CCT6B: variants seen among roughly 807,000 people sequenced by gnomAD.
The protein encoded by CCT6B is chaperonin containing TCP1 subunit 6B.
CCT6B carries 49 observed loss-of-function variants against 61.5 expected under a neutral mutation model. That is an observed-to-expected ratio of 0.80 (90% CI 0.63 to 1.01). The LOEUF is 1.01. CCT6B is among the 50% of genes least tolerant of loss of function. CCT6B has a pLI of 0.00. For missense variants in CCT6B, 666 were observed against 634.7 expected (o/e 1.05, Z -0.53); for synonymous variants, 228 against 214.5 (o/e 1.06, Z -0.55).
intron 5 of CCT6B, among the ~76,000 whole-genome samples, chr17:34,949,866 T>C (rs2090271929): frequency 6.6e-6 from 1 of 152,222 alleles, no homozygotes; most frequent in African/African-American, 2.4e-5. Context: ...AATAAGGATA[T>C]AGAAGTTCTG....
In CCT6B at chr17:34,942,837, T is replaced by G; in HGVS notation, c.684A>C (p.Ala228=). The G allele has an allele frequency of 6.2e-7, 1 of 1,611,748 alleles. No individual in the cohort carries two copies. The highest frequency in any genetic ancestry group is 8.5e-7 in the Non-Finnish European group (1 of 1,178,686). Residue 228 remains alanine, a synonymous_variant, in exon 6 of 14, where the codon GCA becomes GCC. Coordinates refer to ENST00000314144, the MANE Select transcript of CCT6B (RefSeq NM_006584.4). The stretch of plus-strand genomic sequence containing the variant: ...GTGAAACGTTGCAAATAAGGATAAA[T>G]GCATCTTCTACTCGCTTCTTCATAT... ...HPDMKKRVED[A]FILICNVSLE...
Position 34,942,789 on chromosome 17 carries a change from C to G in CCT6B, c.725+7G>C. ...TTCAAAAGTTATAAAGAGAAAGTAA[C>G]ACGCACGTTTTTTCATATTCCAGTG... is the stretch of plus-strand genomic sequence containing the variant. On this transcript the variant is annotated splice_region_variant and intron_variant, in intron 6 of 13. Coordinates refer to ENST00000314144, the MANE Select transcript of CCT6B (RefSeq NM_006584.4). 2 of 1,569,556 alleles carry G rather than the reference C, an allele frequency of 1.3e-6. No homozygotes were observed. The highest frequency in any genetic ancestry group is 1.7e-6 in the Non-Finnish European group (2 of 1,149,748).
chr17:34,934,089 A>C (rs1315762270), intron 10 of CCT6B, among the ~76,000 whole-genome samples: 1 of 151,096 alleles, frequency 6.6e-6, no homozygotes, highest in Non-Finnish European at 1.5e-5. Flanking sequence ...TGACCATGCC[A>C]CTGCACTCCA....
intron 12 of CCT6B, among the ~76,000 whole-genome samples, chr17:34,930,481 C>T (rs1336078130): frequency 6.6e-6 from 1 of 152,122 alleles, no homozygotes; most frequent in African/African-American, 2.4e-5. Context: ...CAGTTGCCTA[C>T]ATGGCTAATT....
intron 4 of CCT6B, among the ~76,000 whole-genome samples, chr17:34,953,749 T>C (rs1163484134): frequency 6.6e-6 from 1 of 151,636 alleles, no homozygotes; most frequent in Non-Finnish European, 1.5e-5. Flanking sequence ...AGGTCAGGAG[T>C]TCAAGACAAG....
At chr17:34,937,667 C>T (rs1289987308) in intron 10 of CCT6B, among the ~76,000 whole-genome samples, 1 of 151,920 alleles carries the variant, frequency 6.6e-6, no homozygotes, top group Admixed American at 6.6e-5. Context: ...TTTCAGATAC[C>T]ACACCAAAAG....
chr17:34,956,737 G>A (rs539674828), intron 3 of CCT6B, among the ~76,000 whole-genome samples: 2 of 152,088 alleles, frequency 1.3e-5, no homozygotes, highest in South Asian at 4.2e-4. Context: ...GCTTTATCTT[G>A]CCCTCTGCCT....
At chr17:34,934,249 G>A (rs1318093071) in intron 10 of CCT6B, among the ~76,000 whole-genome samples, 1 of 151,742 alleles carries the variant, frequency 6.6e-6, no homozygotes, top group Non-Finnish European at 1.5e-5. Flanking sequence ...TGTCAGAAAT[G>A]AGAAAATTTA....
intron 4 of CCT6B, among the ~76,000 whole-genome samples, chr17:34,953,708 CT>C (rs1337766475): frequency 6.6e-6 from 1 of 152,044 alleles, no homozygotes; most frequent in Non-Finnish European, 1.5e-5. Flanking sequence ...AATCCCAGCA[CT>C]TTGGAAGCCC....
At chr17:34,950,846 T>G (rs1301963366) in intron 5 of CCT6B, among the ~76,000 whole-genome samples, 3 of 151,822 alleles carry the variant, frequency 2.0e-5, no homozygotes, top group Non-Finnish European at 4.4e-5. Flanking sequence ...GGGGAATCAC[T>G]TGAACCCAGT....
rs977569269 is a variant in CCT6B at position 34,961,282 on chromosome 17, A to G, written c.112T>C (p.Leu38=). ...ATTTTCATGGTGCCTTTAGGACCCAAGTTGGTCCGCAGCACATCCTGCAGC... is the reference window on the plus strand; with the variant it reads ...ATTTTCATGGTGCCTTTAGGACCCAGGTTGGTCCGCAGCACATCCTGCAGC... The part of the protein sequence containing the change: ...RGLQDVLRTN[L]GPKGTMKMLV... Residue 38 remains leucine (L), a synonymous_variant, in exon 1 of 14, where the codon TTG becomes CTG. Transcript: ENST00000314144. 6.2e-7 allele frequency: 1 copy of G among 1,611,848 alleles called. No individual in the cohort carries two copies. Among genetic ancestry groups the G allele is most frequent in the East Asian group, 2.2e-5 (1 of 44,850 alleles).
intron 5 of CCT6B, 70 bp from the exon 6 acceptor site, chr17:34,942,976 C>G (rs2090183476): frequency 1.2e-6 from 1 of 842,400 alleles, no homozygotes; most frequent in African/African-American, 1.7e-5. Context: ...TATCATTGTA[C>G]TATTAAAGTT....
At chr17:34,945,552 T>C (rs926489611) in intron 5 of CCT6B, among the ~76,000 whole-genome samples, 3 of 152,188 alleles carry the variant, frequency 2.0e-5, no homozygotes, top group African/African-American at 7.2e-5. Context: ...TCCTTCTAAG[T>C]ACATCCTAAT....
At chr17:34,956,819 T>A (rs956756068) in intron 3 of CCT6B, among the ~76,000 whole-genome samples, 4 of 152,060 alleles carry the variant, frequency 2.6e-5, no homozygotes, top group Non-Finnish European at 5.9e-5. Flanking sequence ...TCTCTCTCTC[T>A]TTCTTTTAGA....
intron 10 of CCT6B, 88 bp from the exon 11 acceptor site, chr17:34,932,588 A>T: frequency 8.4e-7 from 1 of 1,193,610 alleles, no homozygotes; most frequent in Non-Finnish European, 1.2e-6. Flanking sequence ...CTATTTAAGT[A>T]TGTTCTATTA....
chr17:34,943,832 G>T (rs191636588), intron 5 of CCT6B: 10 of 150,916 alleles, frequency 6.6e-5, no homozygotes, highest in Non-Finnish European at 1.2e-4. Context: ...AAAAAAATGG[G>T]AGGGACCTAA....
At chr17:34,937,912 A>G (rs1313478221) in intron 10 of CCT6B, among the ~76,000 whole-genome samples, 2 of 150,858 alleles carry the variant, frequency 1.3e-5, no homozygotes, top group African/African-American at 4.9e-5. Flanking sequence ...TTCTGGAAAC[A>G]GGGTCTCACT....
chr17:34,947,988 A>G (rs541779229), intron 5 of CCT6B, among the ~76,000 whole-genome samples: 18 of 152,156 alleles, frequency 1.2e-4, no homozygotes, highest in African/African-American at 3.6e-4. Flanking sequence ...AAAAAAAAAA[A>G]AAAGAAAAAG....
chr17:34,937,513 C>T (rs2090108193), intron 10 of CCT6B, among the ~76,000 whole-genome samples: 1 of 151,976 alleles, frequency 6.6e-6, no homozygotes, highest in East Asian at 1.9e-4. Context: ...AATCTGATAC[C>T]TTTATATGAA....
Sources: allele counts gnomAD v4.1 joint callset (sites outside exome capture counted in the v4.1 genomes callset), GRCh38; gene constraint gnomAD v4.1.1; transcripts MANE v1.5; gene names NCBI Gene and HGNC (gene_info 2026-07-23, HGNC 2026-07-21).